Variants in AK3 observed in about 807,000 individuals in gnomAD.
AK3 encodes GTP:AMP phosphotransferase AK3, mitochondrial.
In AK3, 27 loss-of-function variants were observed where a neutral mutation model predicts 23.7. The observed-to-expected ratio is 1.14, with a 90% CI of 0.84 to 1.57. AK3 has a LOEUF of 1.57. Among genes scored for constraint, AK3 ranks in the 40% most tolerant of loss-of-function variants. The probability of loss-of-function intolerance (pLI) is 0.00; values close to 1 mark genes in which losing one functional copy is unlikely to be tolerated. For synonymous variants in AK3, 159 were observed against 116.0 expected (o/e 1.37, Z -2.38); for missense variants, 406 against 285.6 (o/e 1.42, Z -3.04).
intron 3 of AK3, 31 bp from the exon 4 acceptor site, chr9:4,718,568 A>G (rs780095261): frequency 2.1e-6 from 3 of 1,440,618 alleles, no homozygotes; most frequent in South Asian, 1.2e-5. Flanking sequence ...CTAGTATCAG[A>G]TATCATATTT....
At chr9:4,731,863 C>T (rs1459211554) in intron 1 of AK3, among the ~76,000 whole-genome samples, 1 of 152,210 alleles carries the variant, frequency 6.6e-6, no homozygotes, top group African/African-American at 2.4e-5. Flanking sequence ...TCCTCCTCCT[C>T]AGTCTACTTG....
At chr9:4,715,678 T>G (rs984829662) in intron 4 of AK3, among the ~76,000 whole-genome samples, 1 of 152,186 alleles carries the variant, frequency 6.6e-6, no homozygotes, top group Non-Finnish European at 1.5e-5. Flanking sequence ...ATTACAGGCA[T>G]GAGCCACTGT....
At chr9:4,738,981 C>G (rs1006546761) in intron 1 of AK3, among the ~76,000 whole-genome samples, 1 of 151,932 alleles carries the variant, frequency 6.6e-6, no homozygotes, top group Admixed American at 6.6e-5. Context: ...GTCATGTTGC[C>G]TAGGCTGGTC....
rs1483523403 is a variant in AK3, at chr9:4,741,137, C to G, written c.-50G>C. ...CGCGGGTACCAGGGCTTTGGCCTGG[C>G]CTGCGCGCTCACCCGCTCGGCAGCC... On this transcript the variant is annotated 5_prime_UTR_variant, in exon 1 of 5. Coordinates refer to ENST00000381809, the MANE Select transcript of AK3 (RefSeq NM_016282.4). 5.8e-6 allele frequency: 8 copies of G among 1,386,966 alleles called. No homozygotes were observed. Among genetic ancestry groups the G allele is most frequent in the Non-Finnish European group, 6.5e-6 (7 of 1,070,190 alleles). 85.9% of individuals were successfully genotyped at this position (1,386,966 alleles called of 1,614,324 possible).
At chr9:4,728,848 T>TACAC (rs1305610708) in intron 1 of AK3, among the ~76,000 whole-genome samples, 131 of 26,310 alleles carry the variant, frequency 5.0e-3, no homozygotes, top group African/African-American at 0.011. Flanking sequence ...TATATATATA[T>TACAC]ATATATATAT....
chr9:4,738,970 C>T (rs1225196662), intron 1 of AK3, among the ~76,000 whole-genome samples: 2 of 151,844 alleles, frequency 1.3e-5, no homozygotes, highest in Non-Finnish European at 1.5e-5. Context: ...ACGGGGGTTT[C>T]GTCATGTTGC....
rs1449299358 is a variant in AK3, at chr9:4,723,217, A to G, written c.152-592T>C. Among the ~76,000 whole-genome samples, 3 of 152,270 alleles carry G rather than the reference A, an allele frequency of 2.0e-5. No individual in the cohort carries two copies. In the East Asian group the frequency reaches 5.8e-4, roughly 29 times the overall value. On this transcript the variant is annotated intron_variant, in intron 1 of 4. Transcript: ENST00000381809. ...TTAACAGTAGTTATTTCTGTGTGAT[A>G]GAATTGAGTGGTTTTGAAAATATAT...
intron 1 of AK3, 34 bp from the exon 2 acceptor site, chr9:4,722,659 C>T: frequency 6.2e-7 from 1 of 1,613,834 alleles, no homozygotes; most frequent in Non-Finnish European, 8.5e-7. Flanking sequence ...TCAGTAAGTG[C>T]ATTTGTTTTA....
At chr9:4,731,780 C>T (rs868267462) in intron 1 of AK3, among the ~76,000 whole-genome samples, 1 of 152,166 alleles carries the variant, frequency 6.6e-6, no homozygotes, top group Middle Eastern at 3.4e-3. Context: ...AGAGTGGACC[C>T]TTGAACAACA....
intron 4 of AK3, among the ~76,000 whole-genome samples, chr9:4,713,974 A>G (rs1201386538): frequency 5.2e-4 from 4 of 7,748 alleles, no homozygotes; most frequent in African/African-American, 1.7e-3. Flanking sequence ...ACACCTCCAC[A>G]TTTACACACC....
At chr9:4,734,707 T>A (rs1196496523) in intron 1 of AK3, among the ~76,000 whole-genome samples, 1 of 152,240 alleles carries the variant, frequency 6.6e-6, no homozygotes, top group Non-Finnish European at 1.5e-5. Context: ...TTAAACAAAC[T>A]ATGGTACACC....
chr9:4,733,479 T>G (rs943895017), intron 1 of AK3, among the ~76,000 whole-genome samples: 11 of 152,222 alleles, frequency 7.2e-5, no homozygotes, highest in African/African-American at 2.4e-4. Context: ...CATGTTCATT[T>G]TATTCTTCTT....
At chr9:4,716,506 T>C (rs776996466) in intron 4 of AK3, among the ~76,000 whole-genome samples, 11 of 152,240 alleles carry the variant, frequency 7.2e-5, no homozygotes, top group Non-Finnish European at 1.6e-4. Context: ...GGAGGTTAAA[T>C]AGCTTGCCTA....
intron 1 of AK3, among the ~76,000 whole-genome samples, chr9:4,736,262 G>A (rs1165582534): frequency 6.6e-6 from 1 of 151,784 alleles, no homozygotes; most frequent in Non-Finnish European, 1.5e-5. Context: ...AAAATGAAAT[G>A]GGGCACTCCA....
chr9:4,735,772 A>T (rs1282503217), intron 1 of AK3, among the ~76,000 whole-genome samples: 1 of 84,440 alleles, frequency 1.2e-5, no homozygotes, highest in Non-Finnish European at 2.2e-5. Flanking sequence ...CCTGGCCAAA[A>T]AAATATTTTA....
At chr9:4,726,179 T>C (rs1842019819) in intron 1 of AK3, among the ~76,000 whole-genome samples, 2 of 152,214 alleles carry the variant, frequency 1.3e-5, no homozygotes, top group African/African-American at 2.4e-5. Flanking sequence ...CTTGCCTCCA[T>C]GGCTGATGGC....
intron 1 of AK3, among the ~76,000 whole-genome samples, chr9:4,740,042 T>C (rs1198196808): frequency 7.4e-6 from 1 of 135,274 alleles, no homozygotes; most frequent in African/African-American, 2.8e-5. Context: ...TGCACGTCTA[T>C]CCTGTTTGCT....
intron 2 of AK3, among the ~76,000 whole-genome samples, chr9:4,721,842 C>T (rs572704713): frequency 6.6e-6 from 1 of 152,336 alleles, no homozygotes; most frequent in South Asian, 2.1e-4. Flanking sequence ...TTGTCTTCTA[C>T]TAGAATGTAC....
In AK3 at chr9:4,714,407, A is replaced by G. The variant is rs181502673; in HGVS notation, c.564-1311T>C. Among the ~76,000 whole-genome samples the G allele has an allele frequency of 1.5e-3, 225 of 152,348 alleles. 1 individual carries two copies. Among genetic ancestry groups the G allele is most frequent in the Non-Finnish European group, 2.3e-3 (157 of 68,040 alleles). On this transcript the variant is annotated intron_variant, in intron 4 of 4. Coordinates refer to ENST00000381809, the MANE Select transcript of AK3 (RefSeq NM_016282.4). ...ATAAAATTTGCCACAGTTAACTTAA[A>G]TAACACCCACTGTTTTCTCGGTAAG...
Sources: gnomAD v4.1 joint callset for allele counts (sites outside exome capture counted in the v4.1 genomes callset) on GRCh38, gnomAD v4.1.1 for gene constraint, MANE v1.5 for transcripts, NCBI Gene and HGNC (gene_info 2026-07-23, HGNC 2026-07-21) for gene names.